TUBG1: variants seen among roughly 807,000 people sequenced by gnomAD.
The protein encoded by TUBG1 is tubulin gamma-1 chain.
Under a neutral mutation model 53.3 loss-of-function variants are expected in TUBG1, and 22 were observed. The ratio of observed to expected loss-of-function variants is 0.41; its 90% CI spans 0.29 to 0.59. TUBG1 has a LOEUF of 0.59. TUBG1 is among the 20% of genes least tolerant of loss of function. TUBG1 has a pLI of 0.26. For missense variants in TUBG1, 217 were observed against 598.9 expected (o/e 0.36, Z 6.66); for synonymous variants, 198 against 236.7 (o/e 0.84, Z 1.50).
rs1489530976 is a variant in TUBG1, at chr17:42,612,943, C to G, written c.480-4C>G. ...GCCCTGATCCTTTCCCCAACCCCCA[C>G]CAGGTATCCTAAGAAGCTGGTGCAG... is the stretch of plus-strand genomic sequence containing the variant. On this transcript the variant is annotated splice_polypyrimidine_tract_variant and splice_region_variant and intron_variant, in intron 5 of 10. Coordinates refer to ENST00000251413, the MANE Select transcript of TUBG1 (RefSeq NM_001070.5). The G allele has an allele frequency of 1.2e-6, 2 of 1,613,856 alleles. No homozygotes were observed. The highest frequency in any genetic ancestry group is 3.3e-5 in the Admixed American group (2 of 59,994).
Position 42,610,224 on chromosome 17 carries a change from C to T in TUBG1, c.162+4C>T, listed in dbSNP as rs760274398. 7 of 1,614,122 alleles carry T rather than the reference C, an allele frequency of 4.3e-6. No individual in the cohort carries two copies. The highest frequency in any genetic ancestry group is 8.5e-7 in the Non-Finnish European group (1 of 1,180,054). ...CAAGGACGTCTTTTTCTACCAGGTG[C>T]CCCCAGCGACTTGGCCGGGGGCGGC... On this transcript the variant is annotated splice_donor_region_variant and intron_variant, in intron 2 of 10. Coordinates refer to ENST00000251413, the MANE Select transcript of TUBG1 (RefSeq NM_001070.5).
intron 4 of TUBG1, 60 bp from the exon 5 acceptor site, chr17:42,612,367 G>A (rs1373967116): frequency 1.9e-6 from 3 of 1,562,388 alleles, no homozygotes; most frequent in Non-Finnish European, 2.6e-6. Context: ...CTATGAGATG[G>A]GTCTAGTTTG....
rs1445084422 is a variant in TUBG1 at position 42,614,854 on chromosome 17, G to A, written c.1169G>A (p.Arg390Lys). The change falls in exon 11 of 11, where the codon AGA becomes AAA. Residue 390 changes from arginine to lysine, a missense_variant. Physicochemically the swap from Arg to Lys is conservative, Grantham distance 26. Transcript: ENST00000251413. The surrounding 1 kb of genome is among the most constrained non-coding windows in gnomAD (Gnocchi z 5.1). ...NHTSISSLFE[R>K]TCRQYDKLRK... ...TCTGCACACCCCAAGCTCTTCGAGAGAACCTGTCGCCAGTATGACAAGCTG... is the reference window on the plus strand; with the variant it reads ...TCTGCACACCCCAAGCTCTTCGAGAAAACCTGTCGCCAGTATGACAAGCTG... 1 of 1,614,222 alleles carries A rather than the reference G, an allele frequency of 6.2e-7. No individual in the cohort carries two copies. Among genetic ancestry groups the A allele is most frequent in the Non-Finnish European group, 8.5e-7 (1 of 1,180,036 alleles).
Position 42,610,139 on chromosome 17 carries a change from C to G in TUBG1, c.81C>G (p.Ala27=). The G allele has an allele frequency of 6.2e-7, 1 of 1,614,244 alleles. No individual in the cohort carries two copies. The highest frequency in any genetic ancestry group is 1.3e-5 in the African/African-American group (1 of 75,076). The part of the protein sequence containing the change: ...IGFEFWKQLC[A]EHGISPEGIV... ...TCGAGTTCTGGAAACAGCTGTGCGC[C>G]GAGCATGGTATCAGCCCCGAGGGCA... Residue 27 remains alanine, a synonymous_variant, in exon 2 of 11, where the codon GCC becomes GCG. Coordinates refer to ENST00000251413, the MANE Select transcript of TUBG1 (RefSeq NM_001070.5).
chr17:42,609,965 G>T, intron 1 of TUBG1, 143 bp from the exon 2 acceptor site: 1 of 1,295,232 alleles, frequency 7.7e-7, no homozygotes, highest in Non-Finnish European at 1.1e-6. Context: ...AGTCCCTGGC[G>T]TACAGTCCTT....
intron 5 of TUBG1, 51 bp from the exon 6 acceptor site, chr17:42,612,896 T>A (rs1460118562): frequency 6.2e-7 from 1 of 1,607,934 alleles, no homozygotes; most frequent in South Asian, 1.1e-5. Context: ...GAGCGCCATG[T>A]TCACCAGGCC....
In TUBG1 at chr17:42,614,089, G is replaced by C; in HGVS notation, c.843+91G>C. 1 of 1,597,654 alleles carries C rather than the reference G, an allele frequency of 6.3e-7. No individual in the cohort carries two copies. On this transcript the variant is annotated intron_variant, in intron 8 of 10. Coordinates refer to ENST00000251413, the MANE Select transcript of TUBG1 (RefSeq NM_001070.5). This position sits in a 1 kb window ranked among gnomAD's most constrained non-coding sequence, Gnocchi z 5.1. ...TTCTCTCTTCCCCACTGCCCCAGGAGCTACCCTTTGTGGACCCCAAGGCGC... is the reference window on the plus strand; with the variant it reads ...TTCTCTCTTCCCCACTGCCCCAGGACCTACCCTTTGTGGACCCCAAGGCGC...
rs539406496 is a variant in TUBG1 at position 42,610,342 on chromosome 17, C to A, written c.163-81C>A. 220 of 1,516,984 alleles carry A rather than the reference C, an allele frequency of 1.5e-4. No homozygotes were observed. The African/African-American group carries it at 2.5e-3, about 17-fold the overall frequency. 94.0% of individuals were successfully genotyped at this position (1,516,984 alleles called of 1,614,324 possible). ...AGGCGGCTGGCTTGAGGAGGGAGGGCCGGAGGGAGCCAGAGTTGGGAGGAC... is the reference window on the plus strand; with the variant it reads ...AGGCGGCTGGCTTGAGGAGGGAGGGACGGAGGGAGCCAGAGTTGGGAGGAC... On this transcript the variant is annotated intron_variant, in intron 2 of 10. Transcript: ENST00000251413.
rs767743969 is a variant in TUBG1 at position 42,614,231 on chromosome 17, G to A, written c.844-29G>A. 6.2e-7 allele frequency: 1 copy of A among 1,613,768 alleles called. No individual in the cohort carries two copies. The highest frequency in any genetic ancestry group is 1.1e-5 in the South Asian group (1 of 91,074). ...AAGGGGGACTGTGCCCTGAGCGCTG[G>A]CCGGGTCCCTGTCTCACTGTCCTAT... On this transcript the variant is annotated intron_variant, in intron 8 of 10. Transcript: ENST00000251413. The surrounding 1 kb of genome is among the most constrained non-coding windows in gnomAD (Gnocchi z 5.1).
intron 5 of TUBG1, 47 bp from the exon 6 acceptor site, chr17:42,612,900 C>T: frequency 6.2e-7 from 1 of 1,608,954 alleles, no homozygotes; most frequent in South Asian, 1.1e-5. Flanking sequence ...GCCATGTTCA[C>T]CAGGCCTTCG....
rs774825533 is a variant in TUBG1 at position 42,614,038 on chromosome 17, G to A, written c.843+40G>A. The A allele has an allele frequency of 6.2e-6, 10 of 1,613,692 alleles. No individual in the cohort carries two copies. In the South Asian group the frequency reaches 6.6e-5, roughly 11 times the overall value. Reference sequence around the variant, plus strand: ...CAGTGTCCCAGGCCAGGCCGGCCCTGGGCCCAACAGGCCCTGTCCTAGCCT... The same window carrying A: ...CAGTGTCCCAGGCCAGGCCGGCCCTAGGCCCAACAGGCCCTGTCCTAGCCT... On this transcript the variant is annotated intron_variant, in intron 8 of 10. Transcript: ENST00000251413. This position sits in a 1 kb window ranked among gnomAD's most constrained non-coding sequence, Gnocchi z 5.1.
chr17:42,614,624 G>A lies in TUBG1; in HGVS notation c.1125G>A (p.Gly375=). 1 of 1,614,002 alleles carries A rather than the reference G, an allele frequency of 6.2e-7. No individual in the cohort carries two copies. The highest frequency in any genetic ancestry group is 8.5e-7 in the Non-Finnish European group (1 of 1,179,922). The stretch of plus-strand genomic sequence containing the variant: ...TGCCCTCGGCCCACCGGGTCAGCGG[G>A]CTCATGATGGCCAACCACACCAGCA... ...PYLPSAHRVS[G]LMMANHTSIS... is the part of the protein sequence containing the mutation. The change falls in exon 10 of 11, where the codon GGG becomes GGA. Residue 375 remains glycine (G), a synonymous_variant. Coordinates refer to ENST00000251413, the MANE Select transcript of TUBG1 (RefSeq NM_001070.5). The surrounding 1 kb of genome is among the most constrained non-coding windows in gnomAD (Gnocchi z 5.1).
rs370144931 is a variant in TUBG1, at chr17:42,613,749, T to C, written c.693+16T>C. ...CAACCAGCTGGTGGGCCCCCACTCC[T>C]GGACTCCTTTGGACTTGAAGCCCTC... On this transcript the variant is annotated intron_variant, in intron 7 of 10. Coordinates refer to ENST00000251413, the MANE Select transcript of TUBG1 (RefSeq NM_001070.5). 42 of 1,614,070 alleles carry C rather than the reference T, an allele frequency of 2.6e-5. No homozygotes were observed. Among genetic ancestry groups the C allele is most frequent in the South Asian group, 5.5e-5 (5 of 91,080 alleles).
intron 3 of TUBG1, chr17:42,611,193 A>G (rs2052029724): frequency 6.6e-6 from 1 of 152,116 alleles, no homozygotes; most frequent in Admixed American, 6.6e-5. Flanking sequence ...GGTGGTCTTG[A>G]TCTCCTGACC....
chr17:42,610,322 G>T (rs1453253361), intron 2 of TUBG1, 101 bp from the exon 3 acceptor site: 19 of 1,560,612 alleles, frequency 1.2e-5, no homozygotes, highest in Non-Finnish European at 1.7e-5. Flanking sequence ...GGGCCAGGCG[G>T]CTGGCTTGAG....
Position 42,609,723 on chromosome 17 carries a change from G to C in TUBG1, c.-15G>C, listed in dbSNP as rs2093177362. The stretch of plus-strand genomic sequence containing the variant: ...TGCGGGCGGGAGCGGCTGCAACGCC[G>C]GTGCCTGAGGAGCGATGCCGAGGGA... On this transcript the variant is annotated 5_prime_UTR_variant, in exon 1 of 11. Coordinates refer to ENST00000251413, the MANE Select transcript of TUBG1 (RefSeq NM_001070.5). The C allele has an allele frequency of 6.5e-7, 1 of 1,547,368 alleles. No individual in the cohort carries two copies. Among genetic ancestry groups the C allele is most frequent in the African/African-American group, 1.4e-5 (1 of 72,898 alleles).
chr17:42,611,930 C>T (rs2052037073), intron 3 of TUBG1, 145 bp from the exon 4 acceptor site: 2 of 677,202 alleles, frequency 3.0e-6, no homozygotes, highest in African/African-American at 1.8e-5. Flanking sequence ...CTGCACCGTA[C>T]TGCCTCTCAA....
intron 6 of TUBG1, 114 bp from the exon 7 acceptor site, chr17:42,613,533 G>A: frequency 6.6e-7 from 1 of 1,519,900 alleles, no homozygotes; most frequent in East Asian, 2.3e-5. Flanking sequence ...TCTCTTTCCA[G>A]TGAGTCTTTC....
In TUBG1 at chr17:42,614,106, C is replaced by G; in HGVS notation, c.843+108C>G. On this transcript the variant is annotated intron_variant, in intron 8 of 10. Transcript: ENST00000251413. This position sits in a 1 kb window ranked among gnomAD's most constrained non-coding sequence, Gnocchi z 5.1. Reference sequence around the variant, plus strand: ...CCCCAGGAGCTACCCTTTGTGGACCCCAAGGCGCGGCGCTCAGGGACTGGC... The same window carrying G: ...CCCCAGGAGCTACCCTTTGTGGACCGCAAGGCGCGGCGCTCAGGGACTGGC... 6.3e-7 allele frequency: 1 copy of G among 1,588,692 alleles called. No individual in the cohort carries two copies. The highest frequency in any genetic ancestry group is 8.6e-7 in the Non-Finnish European group (1 of 1,166,428).
Sources: allele counts gnomAD v4.1 joint callset, GRCh38; gene constraint gnomAD v4.1.1; non-coding constraint Gnocchi (gnomAD v3.1); transcripts MANE v1.5; gene names NCBI Gene and HGNC (gene_info 2026-07-23, HGNC 2026-07-21).